The following SLC43A1 variants were observed in gnomAD, a reference collection of about 807,000 sequenced individuals.
The protein encoded by SLC43A1 is large neutral amino acids transporter small subunit 3.
Under a neutral mutation model 59.5 loss-of-function variants are expected in SLC43A1, and 31 were observed. The ratio of observed to expected loss-of-function variants is 0.52; its 90% confidence interval spans 0.39 to 0.70. SLC43A1 has a LOEUF of 0.70. SLC43A1 is among the 30% of genes least tolerant of loss of function. SLC43A1 has a pLI of 0.00. For missense variants in SLC43A1, 598 were observed against 717.8 expected, an observed-to-expected ratio of 0.83 and a Z score of 1.91; for synonymous variants, 259 against 290.9, an observed-to-expected ratio of 0.89 and a Z score of 1.12.
chr11:57,507,949 A>G (rs1171494738), intron 2 of SLC43A1, among the ~76,000 whole-genome samples: 1 of 152,206 alleles, frequency 6.6e-6, no homozygotes, highest in Non-Finnish European at 1.5e-5. Flanking sequence ...GTCCCATTTT[A>G]CCATATGGGG....
At chr11:57,496,308 A>G in intron 6 of SLC43A1, 144 bp from the exon 7 acceptor site, 1 of 847,528 alleles carries the variant, frequency 1.2e-6, no homozygotes, top group Non-Finnish European at 1.8e-6. Flanking sequence ...AACCAAGACC[A>G]GAAGTTTAGA....
At chr11:57,495,515 C>A (rs1944051592) in intron 7 of SLC43A1, among the ~76,000 whole-genome samples, 1 of 151,688 alleles carries the variant, frequency 6.6e-6, no homozygotes, top group Non-Finnish European at 1.5e-5. Flanking sequence ...TGTTATGTGC[C>A]AACTGTATTA....
chr11:57,506,522 G>A (rs775799106), intron 2 of SLC43A1, among the ~76,000 whole-genome samples: 8 of 152,128 alleles, frequency 5.3e-5, no homozygotes, highest in Non-Finnish European at 1.2e-4. Context: ...GTGACAGAGT[G>A]AGACCTTGTC....
At chr11:57,493,704 G>A (rs1472568976) in intron 8 of SLC43A1, among the ~76,000 whole-genome samples, 2 of 152,152 alleles carry the variant, frequency 1.3e-5, no homozygotes, top group African/African-American at 4.8e-5. Flanking sequence ...GTTGCAAGGG[G>A]CCCTGAGGAA....
intron 11 of SLC43A1, among the ~76,000 whole-genome samples, chr11:57,490,371 C>T (rs1245272813): frequency 1.3e-5 from 2 of 152,024 alleles, no homozygotes; most frequent in Non-Finnish European, 2.9e-5. Flanking sequence ...CTCAAGGATC[C>T]TGCCTCCTGG....
Position 57,514,083 on chromosome 11 carries a change from CG to C in SLC43A1, c.28del (p.Arg10GlyfsTer28). MAPTLQQAY[R>X]RRWWMACTAV... ...CGTGCAGGCCATCCACCAGCGCCTC[CG>C]GTACGCCTGTTGCAGCGTGGGGGCC... On this transcript the variant is annotated frameshift_variant, in exon 2 of 15. Coordinates refer to ENST00000278426, the MANE Select transcript of SLC43A1 (RefSeq NM_003627.6). LOFTEE classifies it high-confidence loss of function. The surrounding 1 kb of genome is among the most constrained non-coding windows in gnomAD (Gnocchi z 5.5). The C allele has an allele frequency of 1.2e-6, 2 of 1,602,122 alleles. No homozygotes were observed. Among genetic ancestry groups the C allele is most frequent in the Non-Finnish European group, 1.7e-6 (2 of 1,174,580 alleles).
At chr11:57,500,918 C>T in intron 4 of SLC43A1, 63 bp from the exon 5 acceptor site, 1 of 1,602,658 alleles carries the variant, frequency 6.2e-7, no homozygotes, top group Non-Finnish European at 8.5e-7. Flanking sequence ...AGGGCGGGAG[C>T]TGGGGTAAAC....
chr11:57,490,120 G>C (rs1326799241), intron 11 of SLC43A1, among the ~76,000 whole-genome samples: 2 of 152,156 alleles, frequency 1.3e-5, no homozygotes, highest in East Asian at 1.9e-4. Context: ...AGGATAAACA[G>C]GGACTGTTTG....
chr11:57,489,074 G>A (rs1943825632), intron 12 of SLC43A1, 85 bp from the exon 13 acceptor site: 9 of 1,458,012 alleles, frequency 6.2e-6, no homozygotes, highest in Non-Finnish European at 8.6e-6. Context: ...GGCCAACTGG[G>A]CCTCAATTCC....
At chr11:57,500,591 T>A (rs931688842) in intron 5 of SLC43A1, among the ~76,000 whole-genome samples, 188 bp downstream of exon 5, 1 of 151,928 alleles carries the variant, frequency 6.6e-6, no homozygotes, top group Non-Finnish European at 1.5e-5. Context: ...CACAGCCTCA[T>A]CCACACACAC....
chr11:57,514,899 C>T lies in SLC43A1; in HGVS notation c.-14+545G>A. On this transcript the variant is annotated intron_variant, in intron 1 of 14. Coordinates refer to ENST00000278426, the MANE Select transcript of SLC43A1 (RefSeq NM_003627.6). This position sits in a 1 kb window ranked among gnomAD's most constrained non-coding sequence, Gnocchi z 5.5. ...GCGGCTGCTGACTTTATAAGGGCAGCGGTGGCGGATGGGCTGGCGGGCGGG... is the reference window on the plus strand; with the variant it reads ...GCGGCTGCTGACTTTATAAGGGCAGTGGTGGCGGATGGGCTGGCGGGCGGG... 1 of 982,976 alleles carries T rather than the reference C, an allele frequency of 1.0e-6. No homozygotes were observed. The highest frequency in any genetic ancestry group is 1.2e-6 in the Non-Finnish European group (1 of 827,862). The allele number at this position is 982,976 out of a possible 1,614,324, so 60.9% of individuals were successfully genotyped here.
At chr11:57,489,134 A>G in intron 12 of SLC43A1, 117 bp downstream of exon 12, 1 of 1,468,500 alleles carries the variant, frequency 6.8e-7, no homozygotes. Context: ...GAGAACCCGG[A>G]AAATAGATCC....
intron 14 of SLC43A1, among the ~76,000 whole-genome samples, chr11:57,485,902 G>A (rs978118940): frequency 2.0e-5 from 3 of 152,256 alleles, no homozygotes; most frequent in Non-Finnish European, 1.5e-5. Flanking sequence ...AATTCTTTGG[G>A]AGGAGGGTTT....
chr11:57,500,380 G>A (rs1223111091), intron 5 of SLC43A1, among the ~76,000 whole-genome samples: 1 of 152,170 alleles, frequency 6.6e-6, no homozygotes, highest in African/African-American at 2.4e-5. Flanking sequence ...TTTCTTCCCA[G>A]CACCTATGAC....
chr11:57,485,804 T>C (rs2135137391), intron 14 of SLC43A1, among the ~76,000 whole-genome samples: 2 of 152,326 alleles, frequency 1.3e-5, no homozygotes, highest in Middle Eastern at 6.8e-3. Context: ...CTCAGGGCTG[T>C]TGTGGCGAAG....
chr11:57,500,317 C>T (rs1944224262), intron 5 of SLC43A1, among the ~76,000 whole-genome samples: 2 of 152,256 alleles, frequency 1.3e-5, no homozygotes, highest in South Asian at 2.1e-4. Context: ...CAAGCGTGCA[C>T]ACGCTATCTC....
At position 57,515,287 on chromosome 11, in the gene SLC43A1, T is replaced by G; in HGVS notation, c.-14+157A>C. ...GAGAAAAGAAAAGGGAAGGACGCGC[T>G]TGGCGAGATGGGACACTGTGCCGCG... On this transcript the variant is annotated intron_variant, in intron 1 of 14. Coordinates refer to ENST00000278426, the MANE Select transcript of SLC43A1 (RefSeq NM_003627.6). The surrounding 1 kb of genome is among the most constrained non-coding windows in gnomAD (Gnocchi z 5.3). 6.5e-6 allele frequency: 1 copy of G among 153,088 alleles called. No individual in the cohort carries two copies. The highest frequency in any genetic ancestry group is 1.5e-5 in the Non-Finnish European group (1 of 68,956). The allele number at this position is 153,088 out of a possible 1,614,324, so 9.5% of individuals were successfully genotyped here.
chr11:57,486,634 C>T (rs1360504187), intron 14 of SLC43A1, among the ~76,000 whole-genome samples: 1 of 147,414 alleles, frequency 6.8e-6, no homozygotes, highest in Non-Finnish European at 1.5e-5. Context: ...CCCGTCTCTA[C>T]TAAAAATCCA....
intron 7 of SLC43A1, 24 bp from the exon 8 acceptor site, chr11:57,494,195 T>C (rs775736492): frequency 6.3e-7 from 1 of 1,599,008 alleles, no homozygotes; most frequent in South Asian, 1.1e-5. Flanking sequence ...GGCCAGAGTG[T>C]AGAGGAACCA....
Sources: allele counts gnomAD v4.1 joint callset (sites outside exome capture counted in the v4.1 genomes callset), GRCh38; gene constraint gnomAD v4.1.1; non-coding constraint Gnocchi (gnomAD v3.1); transcripts MANE v1.5; gene names NCBI Gene and HGNC (gene_info 2026-07-23, HGNC 2026-07-21).